NBEA: variants seen among roughly 807,000 people sequenced by gnomAD.
NBEA encodes the protein neurobeachin.
NBEA carries 44 observed loss-of-function variants against 343.4 expected under a neutral mutation model. That is an observed-to-expected ratio of 0.13 (90% CI 0.10 to 0.16). NBEA has a LOEUF of 0.16. NBEA is among the 10% of genes least tolerant of loss of function. The pLI, the probability that NBEA is intolerant of heterozygous loss-of-function variation, is 1.00. For missense variants in NBEA, 2,555 were observed against 3,631.3 expected, an observed-to-expected ratio of 0.70 and a Z score of 7.62; for synonymous variants, 1,175 against 1,238.7, an observed-to-expected ratio of 0.95 and a Z score of 1.08.
chr13:35,232,838 C>T (rs57638034), intron 34 of NBEA, among the ~76,000 whole-genome samples: 6,747 of 151,946 alleles, frequency 0.044, 175 homozygotes, highest in South Asian at 0.078. Context: ...AGATGAAGAA[C>T]GTTGAAAAGG....
At chr13:35,144,829 T>C (rs1186790748) in intron 18 of NBEA, among the ~76,000 whole-genome samples, 1 of 152,164 alleles carries the variant, frequency 6.6e-6, no homozygotes, top group Admixed American at 6.5e-5. Context: ...ATGACCATCA[T>C]TTTGACATGG....
At chr13:35,565,365 C>A (rs995107603) in intron 44 of NBEA, among the ~76,000 whole-genome samples, 1 of 152,036 alleles carries the variant, frequency 6.6e-6, no homozygotes, top group African/African-American at 2.4e-5. Flanking sequence ...TTGGTTCTTA[C>A]TCAGATTGTA....
intron 41 of NBEA, chr13:35,476,216 C>T (rs1289754029): frequency 2.5e-6 from 4 of 1,605,044 alleles, no homozygotes; most frequent in Admixed American, 3.3e-5. Flanking sequence ...AGAGCTGGAG[C>T]CAACTTCGGT....
chr13:35,537,336 A>G (rs532129318), intron 41 of NBEA, among the ~76,000 whole-genome samples: 1 of 152,168 alleles, frequency 6.6e-6, no homozygotes, highest in Non-Finnish European at 1.5e-5. Flanking sequence ...AATAGAAGTT[A>G]ATCAGAAGAA....
intron 39 of NBEA, among the ~76,000 whole-genome samples, chr13:35,435,068 GC>G (rs1328045954): frequency 1.3e-5 from 2 of 152,202 alleles, no homozygotes; most frequent in East Asian, 3.9e-4. Context: ...CACTCTTGTT[GC>G]CCAGGCTGGA....
chr13:35,245,274 C>T (rs1156444960), intron 34 of NBEA, among the ~76,000 whole-genome samples: 1 of 152,070 alleles, frequency 6.6e-6, no homozygotes, highest in African/African-American at 2.4e-5. Context: ...TTAAGTGGAG[C>T]ATTTAGACCA....
At chr13:35,665,647 G>C (rs1211319418) in intron 56 of NBEA, among the ~76,000 whole-genome samples, 1 of 152,068 alleles carries the variant, frequency 6.6e-6, no homozygotes, top group Non-Finnish European at 1.5e-5. Flanking sequence ...TGTTTTTGAG[G>C]CATACCTTCA....
chr13:34,988,032 C>G (rs1031572348), intron 1 of NBEA, among the ~76,000 whole-genome samples: 1 of 151,082 alleles, frequency 6.6e-6, no homozygotes, highest in Non-Finnish European at 1.5e-5. Flanking sequence ...CAGCTTTGTT[C>G]TTTGCTGGTG....
intron 45 of NBEA, among the ~76,000 whole-genome samples, chr13:35,580,278 T>C (rs147464956): frequency 2.0e-5 from 3 of 152,264 alleles, no homozygotes; most frequent in African/African-American, 7.2e-5. Flanking sequence ...ACTTAAAAAG[T>C]GCGGAAGTCA....
At chr13:35,088,129 A>G (rs1385653119) in intron 10 of NBEA, among the ~76,000 whole-genome samples, 2 of 151,854 alleles carry the variant, frequency 1.3e-5, no homozygotes, top group African/African-American at 4.8e-5. Context: ...ATCCTCCATT[A>G]TTATTGCAGC....
At chr13:35,264,175 AT>A (rs1428916310) in intron 34 of NBEA, among the ~76,000 whole-genome samples, 5 of 151,872 alleles carry the variant, frequency 3.3e-5, no homozygotes, top group Non-Finnish European at 7.4e-5. Context: ...GAAAAAAAAA[AT>A]CTAGATACAT....
At chr13:35,002,584 A>G (rs1427071770) in intron 1 of NBEA, among the ~76,000 whole-genome samples, 1 of 152,202 alleles carries the variant, frequency 6.6e-6, no homozygotes, top group Non-Finnish European at 1.5e-5. Flanking sequence ...GACTGTATTA[A>G]AACTCCACAA....
At chr13:35,253,454 A>G (rs753791830) in intron 34 of NBEA, among the ~76,000 whole-genome samples, 3 of 152,230 alleles carry the variant, frequency 2.0e-5, no homozygotes, top group African/African-American at 4.8e-5. Flanking sequence ...CATAATTTTT[A>G]TATACACTGG....
At chr13:35,076,865 A>G (rs1410949828) in intron 10 of NBEA, among the ~76,000 whole-genome samples, 3 of 152,054 alleles carry the variant, frequency 2.0e-5, no homozygotes, top group South Asian at 2.1e-4. Flanking sequence ...ACTGTCTTAC[A>G]TTACCTTCCT....
intron 1 of NBEA, among the ~76,000 whole-genome samples, chr13:34,990,706 A>C (rs1020396062): frequency 4.6e-5 from 7 of 152,130 alleles, no homozygotes; most frequent in Non-Finnish European, 8.8e-5. Flanking sequence ...TTCTACATCC[A>C]GCTTGAATTC....
chr13:35,325,193 C>T (rs536084159), intron 36 of NBEA, among the ~76,000 whole-genome samples: 2 of 151,858 alleles, frequency 1.3e-5, no homozygotes, highest in Admixed American at 6.6e-5. Context: ...TCAAAACAAT[C>T]GATTATACCA....
At chr13:34,992,924 C>G (rs2060814211) in intron 1 of NBEA, among the ~76,000 whole-genome samples, 1 of 150,320 alleles carries the variant, frequency 6.7e-6, no homozygotes, top group Non-Finnish European at 1.5e-5. Context: ...ACCTTGTGAT[C>G]CACCCGCTTT....
At chr13:35,652,219 T>A (rs1195973133) in intron 53 of NBEA, among the ~76,000 whole-genome samples, 3 of 151,538 alleles carry the variant, frequency 2.0e-5, no homozygotes, top group Admixed American at 6.6e-5. Context: ...GGGGGAGGAA[T>A]AGCATTAGGA....
chr13:35,462,176 A>T (rs1052596159), intron 40 of NBEA, among the ~76,000 whole-genome samples: 1 of 152,226 alleles, frequency 6.6e-6, no homozygotes, highest in Non-Finnish European at 1.5e-5. Context: ...AACTCTATGT[A>T]AGACATAATG....
Sources: gnomAD v4.1 joint callset for allele counts (sites outside exome capture counted in the v4.1 genomes callset) on GRCh38, gnomAD v4.1.1 for gene constraint, MANE v1.5 for transcripts, NCBI Gene and HGNC (gene_info 2026-07-23, HGNC 2026-07-21) for gene names.